The following TYR variants were observed in gnomAD, a reference collection of about 807,000 sequenced individuals.
TYR encodes tyrosinase.
TYR carries 58 observed loss-of-function variants against 51.5 expected under a neutral mutation model. That is an observed-to-expected ratio of 1.13 (90% CI 0.91 to 1.40). The LOEUF (loss-of-function observed/expected upper bound fraction) is 1.40. Among genes scored for constraint, TYR ranks in the 40% most tolerant of loss-of-function variants. The pLI is 0.00. For synonymous variants in TYR, 263 were observed against 235.2 expected (o/e 1.12, Z -1.08); for missense variants, 732 against 647.4 (o/e 1.13, Z -1.42).
Position 89,178,385 on chromosome 11 carries a change from C to T in TYR, c.432C>T (p.Thr144=), listed in dbSNP as rs779150184. The T allele has an allele frequency of 6.2e-7, 1 of 1,614,164 alleles. No homozygotes were observed. Among genetic ancestry groups the T allele is most frequent in the South Asian group, 1.1e-5 (1 of 91,086 alleles). Residue 144 remains threonine (T), a synonymous_variant, in exon 1 of 5, where the codon ACC becomes ACT. Coordinates refer to ENST00000263321, the MANE Select transcript of TYR (RefSeq NM_000372.5). ...CCTACCTCACTTTAGCAAAGCATAC[C>T]ATCAGCTCAGACTATGTCATCCCCA... ...FFAYLTLAKH[T]ISSDYVIPIG... is the part of the protein sequence containing the mutation.
At chr11:89,215,619 A>G (rs1445099571) in intron 2 of TYR, among the ~76,000 whole-genome samples, 2 of 152,092 alleles carry the variant, frequency 1.3e-5, no homozygotes, top group African/African-American at 4.8e-5. Flanking sequence ...CCATTAAAAT[A>G]ATCTATTTTA....
intron 1 of TYR, among the ~76,000 whole-genome samples, chr11:89,189,602 G>A (rs1033571783): frequency 6.6e-5 from 10 of 152,094 alleles, no homozygotes; most frequent in African/African-American, 2.4e-4. Flanking sequence ...TGTGCTATGG[G>A]CTTTATATAC....
intron 2 of TYR, among the ~76,000 whole-genome samples, chr11:89,196,659 C>T (rs1307680398): frequency 6.6e-6 from 1 of 152,062 alleles, no homozygotes; most frequent in Non-Finnish European, 1.5e-5. Context: ...TGTTTCAAAC[C>T]ACCCCCTTCT....
intron 3 of TYR, among the ~76,000 whole-genome samples, chr11:89,274,930 A>T (rs1307708474): frequency 6.6e-6 from 1 of 151,446 alleles, no homozygotes; most frequent in Non-Finnish European, 1.5e-5. Context: ...CCTCCCAAGT[A>T]CTCTGTGGCC....
chr11:89,197,522 G>A (rs144621563), intron 2 of TYR, among the ~76,000 whole-genome samples: 281 of 152,238 alleles, frequency 1.8e-3, no homozygotes, highest in Middle Eastern at 6.8e-3. Flanking sequence ...TTGAAAACAT[G>A]CCATTGACAA....
chr11:89,253,860 A>T (rs1304912577), intron 3 of TYR, among the ~76,000 whole-genome samples: 2 of 151,106 alleles, frequency 1.3e-5, no homozygotes, highest in Admixed American at 6.6e-5. Context: ...TTCCAGTATT[A>T]TGTTGAATGG....
At chr11:89,269,339 C>T (rs1944562518) in intron 3 of TYR, among the ~76,000 whole-genome samples, 1 of 151,950 alleles carries the variant, frequency 6.6e-6, no homozygotes, top group Admixed American at 6.6e-5. Flanking sequence ...ATCTTGACTA[C>T]TGTGGCCAGT....
At chr11:89,211,424 C>A (rs1315146418) in intron 2 of TYR, among the ~76,000 whole-genome samples, 1 of 152,044 alleles carries the variant, frequency 6.6e-6, no homozygotes, top group East Asian at 1.9e-4. Context: ...TACGTGCACC[C>A]AATATAGGAG....
chr11:89,212,156 C>T (rs1030016136), intron 2 of TYR, among the ~76,000 whole-genome samples: 1 of 152,082 alleles, frequency 6.6e-6, no homozygotes, highest in Non-Finnish European at 1.5e-5. Flanking sequence ...AATCCACGAG[C>T]TGTTTTTTTG....
intron 3 of TYR, among the ~76,000 whole-genome samples, chr11:89,245,570 T>A (rs1053583929): frequency 6.6e-6 from 1 of 152,120 alleles, no homozygotes; most frequent in Non-Finnish European, 1.5e-5. Flanking sequence ...AGCAAGTTGA[T>A]AAAAAATTTA....
rs190834769 is a variant in TYR at position 89,190,450 on chromosome 11, T to A, written c.820-752T>A. Among the ~76,000 whole-genome samples, 916 of 152,216 alleles carry A rather than the reference T, an allele frequency of 6.0e-3. 7 individuals carry two copies. Among genetic ancestry groups the A allele is most frequent in the African/African-American group, 0.021 (852 of 41,558 alleles). ...ATTATGTTTATAATAAGTAAAAAAT[T>A]AAATAGCATAAAGCTTATAGGCTAA... On this transcript the variant is annotated intron_variant, in intron 1 of 4. Coordinates refer to ENST00000263321, the MANE Select transcript of TYR (RefSeq NM_000372.5).
chr11:89,247,543 T>C (rs898444846), intron 3 of TYR, among the ~76,000 whole-genome samples: 1 of 152,188 alleles, frequency 6.6e-6, no homozygotes, highest in Admixed American at 6.5e-5. Flanking sequence ...GAAAGTTAAA[T>C]TGCTTAAATT....
chr11:89,224,096 G>A (rs1191191380), intron 2 of TYR, among the ~76,000 whole-genome samples: 1 of 152,094 alleles, frequency 6.6e-6, no homozygotes, highest in African/African-American at 2.4e-5. Context: ...GGTTTCTACA[G>A]AACAATGAAG....
intron 2 of TYR, among the ~76,000 whole-genome samples, chr11:89,222,225 G>A (rs1943920925): frequency 6.6e-6 from 1 of 152,146 alleles, no homozygotes; most frequent in Non-Finnish European, 1.5e-5. Flanking sequence ...AGAGAATGGA[G>A]ATCAGTCCAG....
chr11:89,241,970 T>A (rs1312777221), intron 3 of TYR, among the ~76,000 whole-genome samples: 1 of 151,892 alleles, frequency 6.6e-6, no homozygotes, highest in East Asian at 1.9e-4. Context: ...TAAAAGATGA[T>A]ACCACGTTTT....
At chr11:89,208,861 C>T (rs1295516719) in intron 2 of TYR, among the ~76,000 whole-genome samples, 1 of 151,964 alleles carries the variant, frequency 6.6e-6, no homozygotes, top group African/African-American at 2.4e-5. Context: ...AAAGATTTTC[C>T]ATATCAATCA....
chr11:89,217,691 C>T (rs1039253325), intron 2 of TYR, among the ~76,000 whole-genome samples: 4 of 152,116 alleles, frequency 2.6e-5, no homozygotes, highest in Non-Finnish European at 5.9e-5. Flanking sequence ...CTCTAGGATC[C>T]AGTAATTCCT....
At chr11:89,219,803 G>T (rs1435535307) in intron 2 of TYR, among the ~76,000 whole-genome samples, 1 of 152,116 alleles carries the variant, frequency 6.6e-6, no homozygotes, top group East Asian at 1.9e-4. Flanking sequence ...ATAGGAAGCT[G>T]ATGAAGTTTT....
At chr11:89,249,372 G>T (rs1315502553) in intron 3 of TYR, among the ~76,000 whole-genome samples, 11 of 150,234 alleles carry the variant, frequency 7.3e-5, no homozygotes, top group African/African-American at 1.7e-4. Context: ...AAAAGGATGA[G>T]CCGATACAGA....
Sources: allele counts gnomAD v4.1 joint callset (sites outside exome capture counted in the v4.1 genomes callset), GRCh38; gene constraint gnomAD v4.1.1; transcripts MANE v1.5; gene names NCBI Gene and HGNC (gene_info 2026-07-23, HGNC 2026-07-21).